The following MYLK4 variants were observed in gnomAD, a reference collection of about 807,000 sequenced individuals.
MYLK4 encodes the protein caMLCK like.
A neutral mutation model predicts 48.1 loss-of-function variants in MYLK4; 46 were observed. The observed-to-expected ratio is 0.96, with a 90% CI of 0.75 to 1.22. The LOEUF (loss-of-function observed/expected upper bound fraction) is 1.22. MYLK4 is among the 50% of genes most tolerant of loss of function. The pLI is 0.00. For synonymous variants in MYLK4, 170 were observed against 180.8 expected (o/e 0.94, Z 0.48); for missense variants, 451 against 486.1 (o/e 0.93, Z 0.68).
At chr6:2,691,345 T>A (rs1471244583) in intron 3 of MYLK4, among the ~76,000 whole-genome samples, 1 of 152,210 alleles carries the variant, frequency 6.6e-6, no homozygotes, top group Non-Finnish European at 1.5e-5. Flanking sequence ...GAACTAAGAA[T>A]TATGTTTTAA....
intron 2 of MYLK4, among the ~76,000 whole-genome samples, chr6:2,739,500 T>A (rs1763815126): frequency 6.6e-6 from 1 of 152,140 alleles, no homozygotes; most frequent in Admixed American, 6.5e-5. Context: ...GAGCACAGCC[T>A]TCAGTGTCCC....
the MYLK4 span, among the ~76,000 whole-genome samples, chr6:2,763,575 G>A: frequency 6.6e-6 from 1 of 152,226 alleles, no homozygotes; most frequent in African/African-American, 2.4e-5. Flanking sequence ...AGGCTTATCT[G>A]AGCCTACTCC....
At chr6:2,768,114 A>C in the MYLK4 span, among the ~76,000 whole-genome samples, 1 of 152,194 alleles carries the variant, frequency 6.6e-6, no homozygotes, top group African/African-American at 2.4e-5. Context: ...AGTAATTGCT[A>C]ATGTGACCAC....
chr6:2,672,870 T>C lies in MYLK4; in HGVS notation c.1120-1522A>G, dbSNP rs1294056038. Among the ~76,000 whole-genome samples the C allele has an allele frequency of 6.6e-6, 1 of 152,208 alleles. No individual in the cohort carries two copies. The highest frequency in any genetic ancestry group is 1.5e-5 in the Non-Finnish European group (1 of 68,048). On this transcript the variant is annotated intron_variant, in intron 11 of 12. Coordinates refer to ENST00000274643, the MANE Select transcript of MYLK4 (RefSeq NM_001012418.5). This position sits in a 1 kb window ranked among gnomAD's most constrained non-coding sequence, Gnocchi z 4.3. ...CCTGAGTGTTCTCAGCTACAGACAC[T>C]AATGTGCCCATTTTGTGCGTTGCTA...
At chr6:2,702,292 G>A (rs1481940636) in intron 2 of MYLK4, among the ~76,000 whole-genome samples, 3 of 152,168 alleles carry the variant, frequency 2.0e-5, no homozygotes, top group African/African-American at 4.8e-5. Context: ...GGCAAACCAA[G>A]CTCTGGAGAA....
At chr6:2,694,568 G>GGCA (rs1761976913) in intron 2 of MYLK4, among the ~76,000 whole-genome samples, 3 of 133,546 alleles carry the variant, frequency 2.2e-5, no homozygotes, top group East Asian at 2.3e-4. Context: ...TGGTGGTAGT[G>GGCA]GTAGTGCTGC....
At chr6:2,766,245 C>T in the MYLK4 span, 1 of 1,496,470 alleles carries the variant, frequency 6.7e-7, no homozygotes. Flanking sequence ...GGGGGCCGCC[C>T]GCACCCCCGG....
At chr6:2,765,671 C>T in the MYLK4 span, 1 of 1,553,084 alleles carries the variant, frequency 6.4e-7, no homozygotes, top group Non-Finnish European at 8.6e-7. Flanking sequence ...GCAGCTGCAC[C>T]AGGTGCAGTG....
intron 2 of MYLK4, among the ~76,000 whole-genome samples, chr6:2,746,756 T>A (rs1318162500): frequency 6.6e-6 from 1 of 152,196 alleles, no homozygotes; most frequent in African/African-American, 2.4e-5. Context: ...GTTTTTATAG[T>A]CCCTGGAGAG....
At chr6:2,688,995 A>C in intron 3 of MYLK4, 39 bp from the exon 4 acceptor site, 1 of 1,558,718 alleles carries the variant, frequency 6.4e-7, no homozygotes, top group Non-Finnish European at 8.9e-7. Context: ...TCTGTCAAGA[A>C]GTCTGACCTC....
At chr6:2,717,781 T>G (rs1762920189) in intron 2 of MYLK4, among the ~76,000 whole-genome samples, 1 of 152,216 alleles carries the variant, frequency 6.6e-6, no homozygotes, top group Non-Finnish European at 1.5e-5. Flanking sequence ...TGACTCCACA[T>G]TCAGTGCTCT....
intron 2 of MYLK4, among the ~76,000 whole-genome samples, chr6:2,697,847 C>T (rs193079616): frequency 7.1e-4 from 108 of 152,274 alleles, no homozygotes; most frequent in Middle Eastern, 3.4e-3. Flanking sequence ...TCCCCAGCAC[C>T]GAACAGAGGG....
intron 2 of MYLK4, among the ~76,000 whole-genome samples, chr6:2,697,481 G>A (rs549241203): frequency 6.6e-6 from 1 of 152,334 alleles, no homozygotes; most frequent in South Asian, 2.1e-4. Flanking sequence ...ACAGCAGGGC[G>A]GCATCGGTCC....
At chr6:2,751,120 C>T (rs1031572726), upstream of MYLK4, among the ~76,000 whole-genome samples, 6 of 152,146 alleles carry the variant, frequency 3.9e-5, no homozygotes, top group South Asian at 2.1e-4. Flanking sequence ...ACCTTTCCCT[C>T]GTATCATTGT....
chr6:2,723,735 C>T (rs770344510), intron 2 of MYLK4, among the ~76,000 whole-genome samples: 4 of 152,204 alleles, frequency 2.6e-5, no homozygotes, highest in Non-Finnish European at 4.4e-5. Context: ...GCTAAAGAGA[C>T]ACCCTTCATT....
At chr6:2,725,599 GAAAGAAAC>G (rs1366233123) in intron 2 of MYLK4, among the ~76,000 whole-genome samples, 34 of 142,132 alleles carry the variant, frequency 2.4e-4, no homozygotes, top group African/African-American at 6.7e-4. Context: ...AAGAAAGAAA[GAAAGAAAC>G]AAACAAACAA....
intron 2 of MYLK4, among the ~76,000 whole-genome samples, chr6:2,739,226 G>A (rs1433907498): frequency 6.6e-6 from 1 of 152,174 alleles, no homozygotes; most frequent in Non-Finnish European, 1.5e-5. Context: ...GGCCAAGGCA[G>A]GCAGATCACT....
intron 10 of MYLK4, among the ~76,000 whole-genome samples, chr6:2,677,434 C>T (rs1226334394): frequency 6.6e-6 from 1 of 152,194 alleles, no homozygotes; most frequent in Non-Finnish European, 1.5e-5. Flanking sequence ...AAGGCAAGTG[C>T]TATTGACCCT....
chr6:2,685,288 A>T lies in MYLK4; in HGVS notation c.545+8T>A, dbSNP rs1315642226. The stretch of plus-strand genomic sequence containing the variant: ...GGAGGTCAGGGAGGGGGCGGAGGGG[A>T]TACGTACTACTCCATGACCAGGACA... On this transcript the variant is annotated splice_region_variant and intron_variant, in intron 6 of 12. Transcript: ENST00000274643. The surrounding 1 kb of genome is among the most constrained non-coding windows in gnomAD (Gnocchi z 4.5). The T allele has an allele frequency of 6.2e-7, 1 of 1,600,968 alleles. No homozygotes were observed. Among genetic ancestry groups the T allele is most frequent in the East Asian group, 2.2e-5 (1 of 44,624 alleles).
Sources: gnomAD v4.1 joint callset for allele counts (sites outside exome capture counted in the v4.1 genomes callset) on GRCh38, gnomAD v4.1.1 for gene constraint, Gnocchi (gnomAD v3.1) non-coding constraint, MANE v1.5 for transcripts, NCBI Gene and HGNC (gene_info 2026-07-23, HGNC 2026-07-21) for gene names.